ABI3BP: variants seen among roughly 807,000 people sequenced by gnomAD.
The protein encoded by ABI3BP is ABI family member 3 binding protein.
ABI3BP carries 216 observed loss-of-function variants against 268.6 expected under a neutral mutation model. That is an observed-to-expected ratio of 0.80 (90% confidence interval 0.72 to 0.90). The LOEUF (loss-of-function observed/expected upper bound fraction) is 0.90. Among genes scored for constraint, ABI3BP ranks in the 40% least tolerant of loss-of-function variants. The pLI is 0.00. For missense variants in ABI3BP, 2,090 were observed against 2,182.4 expected (o/e 0.96, Z 0.84); for synonymous variants, 730 against 730.0 (o/e 1.00, Z 0.00).
rs555647936 is a variant in ABI3BP, at chr3:100,850,856, C to G, written c.1352-122G>C. The G allele has an allele frequency of 3.1e-4, 216 of 689,918 alleles. 2 individuals carry two copies. In the South Asian group the frequency reaches 4.0e-3, roughly 13 times the overall value. 42.7% of individuals were successfully genotyped at this position (689,918 alleles called of 1,614,324 possible). A position where few individuals can be genotyped will look rare whatever the true frequency, so the allele number is the denominator to read the frequency against. On this transcript the variant is annotated intron_variant, in intron 15 of 67. Transcript: ENST00000471714. Reference sequence around the variant, plus strand: ...AATATCAAGAATACTTGAGGGCTTGCTGGCCCACATTTTAAAACTAGTGAT... The same window carrying G: ...AATATCAAGAATACTTGAGGGCTTGGTGGCCCACATTTTAAAACTAGTGAT...
intron 1 of ABI3BP, among the ~76,000 whole-genome samples, chr3:100,991,320 A>T (rs2092878020): frequency 6.6e-6 from 1 of 152,232 alleles, no homozygotes; most frequent in South Asian, 2.1e-4. Flanking sequence ...TTTTAACTCA[A>T]CATTTCCCCA....
At position 100,828,421 on chromosome 3, in the gene ABI3BP, A is replaced by G; in HGVS notation, c.2574T>C (p.Pro858=). The G allele has an allele frequency of 2.0e-6, 3 of 1,535,428 alleles. No homozygotes were observed. In the South Asian group the frequency reaches 3.6e-5, roughly 18 times the overall value. The change falls in exon 34 of 68, where the codon CCT becomes CCC. Residue 858 remains proline (P), a synonymous_variant. Coordinates refer to ENST00000471714, the MANE Select transcript of ABI3BP (RefSeq NM_001375547.2). ...VPATIFEPVS[P]IKEAPGTTFV... is the part of the protein sequence containing the mutation. ...ATGTTGTCCCTGGAGCCTCTTTTAT[A>G]GGAGAAACTGGTTCAAAGATTGTAG...
chr3:100,978,454 C>A (rs2087438235), intron 1 of ABI3BP, among the ~76,000 whole-genome samples: 1 of 152,160 alleles, frequency 6.6e-6, no homozygotes, highest in Non-Finnish European at 1.5e-5. Context: ...AATACATATA[C>A]ACAAGTGGAA....
At chr3:100,908,982 G>A (rs919390265) in intron 2 of ABI3BP, among the ~76,000 whole-genome samples, 2 of 152,102 alleles carry the variant, frequency 1.3e-5, no homozygotes, top group African/African-American at 4.8e-5. Context: ...AAAACTGGAG[G>A]CATCACACTA....
At chr3:100,905,344 T>C (rs2052866109) in intron 2 of ABI3BP, among the ~76,000 whole-genome samples, 1 of 152,018 alleles carries the variant, frequency 6.6e-6, no homozygotes, top group Non-Finnish European at 1.5e-5. Flanking sequence ...CACACCAACA[T>C]TGCACATGTA....
rs192789463 is a variant in ABI3BP, at chr3:100,843,079, T to G, written c.1724-1040A>C. Among the ~76,000 whole-genome samples the G allele has an allele frequency of 1.4e-3, 210 of 152,330 alleles. 2 individuals carry two copies. The East Asian group carries it at 0.026, about 19-fold the overall frequency. ...AAAAAAGAACTATAACAAGTTTCTATGTAGCAACTAACAACAACTACTTCA... is the reference window on the plus strand; with the variant it reads ...AAAAAAGAACTATAACAAGTTTCTAGGTAGCAACTAACAACAACTACTTCA... On this transcript the variant is annotated intron_variant, in intron 20 of 67. Coordinates refer to ENST00000471714, the MANE Select transcript of ABI3BP (RefSeq NM_001375547.2).
chr3:100,823,594 T>C (rs1481282637), intron 36 of ABI3BP, 80 bp from the exon 37 acceptor site: 1 of 1,066,226 alleles, frequency 9.4e-7, no homozygotes, highest in Non-Finnish European at 1.3e-6. Flanking sequence ...CAAATTTTAC[T>C]GGTATGTCAA....
intron 63 of ABI3BP, among the ~76,000 whole-genome samples, chr3:100,761,280 A>G (rs1207011565): frequency 6.6e-6 from 1 of 152,130 alleles, no homozygotes; most frequent in East Asian, 1.9e-4. Context: ...CCCTAAAGAG[A>G]TGAAATTTGC....
intron 1 of ABI3BP, among the ~76,000 whole-genome samples, chr3:100,966,352 C>T (rs942140941): frequency 5.3e-5 from 8 of 152,214 alleles, no homozygotes; most frequent in African/African-American, 1.9e-4. Flanking sequence ...TGAGGCAATG[C>T]TATCTCTGAA....
intron 50 of ABI3BP, among the ~76,000 whole-genome samples, chr3:100,806,996 A>G (rs2097727454): frequency 6.6e-6 from 1 of 152,060 alleles, no homozygotes; most frequent in African/African-American, 2.4e-5. Context: ...CTTTACCTTA[A>G]ACATTTTTTA....
At chr3:100,921,051 G>T (rs1173510951) in intron 2 of ABI3BP, among the ~76,000 whole-genome samples, 1 of 152,174 alleles carries the variant, frequency 6.6e-6, no homozygotes. Context: ...GGCATCACTT[G>T]AAGGAGTTAT....
chr3:100,787,669 A>C, intron 57 of ABI3BP, 59 bp downstream of exon 57: 1 of 1,348,390 alleles, frequency 7.4e-7, no homozygotes, highest in Non-Finnish European at 9.9e-7. Flanking sequence ...ATATCATGAA[A>C]ATTAAATAAC....
At chr3:100,932,293 G>A (rs929160139) in intron 1 of ABI3BP, among the ~76,000 whole-genome samples, 3 of 151,836 alleles carry the variant, frequency 2.0e-5, no homozygotes, top group African/African-American at 7.3e-5. Context: ...ATAGGCCTTC[G>A]CAAAGATTTC....
At chr3:100,956,438 T>C (rs539528647) in intron 1 of ABI3BP, among the ~76,000 whole-genome samples, 1 of 152,258 alleles carries the variant, frequency 6.6e-6, no homozygotes, top group Non-Finnish European at 1.5e-5. Flanking sequence ...TCCAGGTCAA[T>C]TCGTTAAATT....
rs539868698 is a variant in ABI3BP at position 100,843,707 on chromosome 3, G to A, written c.1724-1668C>T. On this transcript the variant is annotated intron_variant, in intron 20 of 67. Transcript: ENST00000471714. ...AGGTCTAAGTACCTCAGATGCTATAGGACAAGAAGAAAATAAACATCAATA... is the reference window on the plus strand; with the variant it reads ...AGGTCTAAGTACCTCAGATGCTATAAGACAAGAAGAAAATAAACATCAATA... The A allele has an allele frequency of 6.2e-5, 61 of 984,166 alleles. No homozygotes were observed. The African/African-American group carries it at 9.8e-4, about 16-fold the overall frequency. 61.0% of individuals were successfully genotyped at this position (984,166 alleles called of 1,614,324 possible).
At chr3:100,770,644 G>T in intron 62 of ABI3BP, 99 bp downstream of exon 62, 2 of 1,173,930 alleles carry the variant, frequency 1.7e-6, no homozygotes, top group Non-Finnish European at 2.3e-6. Flanking sequence ...TCCTCCCCAG[G>T]TATGCTTCAC....
chr3:100,787,855 C>T (rs950270406), intron 56 of ABI3BP, 53 bp from the exon 57 acceptor site: 14 of 1,308,266 alleles, frequency 1.1e-5, no homozygotes, highest in Middle Eastern at 3.8e-4. Context: ...AGTTTGCAGC[C>T]GAGAAAAACA....
chr3:100,853,577 C>T (rs1343458554), intron 14 of ABI3BP, among the ~76,000 whole-genome samples: 1 of 152,150 alleles, frequency 6.6e-6, no homozygotes, highest in Non-Finnish European at 1.5e-5. Context: ...TATCCTAACT[C>T]CTAAAGCTCC....
intron 50 of ABI3BP, among the ~76,000 whole-genome samples, chr3:100,806,326 A>C (rs1478846529): frequency 6.6e-6 from 1 of 152,112 alleles, no homozygotes; most frequent in Non-Finnish European, 1.5e-5. Context: ...CATGCATATA[A>C]ACAGGACACT....
Sources: allele counts gnomAD v4.1 joint callset (sites outside exome capture counted in the v4.1 genomes callset), GRCh38; gene constraint gnomAD v4.1.1; transcripts MANE v1.5; gene names NCBI Gene and HGNC (gene_info 2026-07-23, HGNC 2026-07-21).